GRIA4: variants seen among roughly 807,000 people sequenced by gnomAD.
GRIA4 encodes glutamate receptor 4.
A neutral mutation model predicts 104.0 loss-of-function variants in GRIA4; 34 were observed. The observed-to-expected ratio is 0.33, with a 90% CI of 0.25 to 0.44. The LOEUF (loss-of-function observed/expected upper bound fraction) is 0.44. GRIA4 is among the 20% of genes least tolerant of loss of function. The pLI is 1.00. For missense variants in GRIA4, 750 were observed against 1,096.5 expected (o/e 0.68, Z 4.46); for synonymous variants, 386 against 381.9 (o/e 1.01, Z -0.13).
chr11:105,631,833 A>T (rs1951042685), intron 3 of GRIA4, among the ~76,000 whole-genome samples: 1 of 152,206 alleles, frequency 6.6e-6, no homozygotes. Flanking sequence ...CCAAAGAAAT[A>T]CTATTAGGAG....
At chr11:105,810,945 TA>T (rs532196402) in intron 4 of GRIA4, among the ~76,000 whole-genome samples, 105 of 152,342 alleles carry the variant, frequency 6.9e-4, no homozygotes, top group Admixed American at 3.3e-3. Flanking sequence ...GATTACTGCT[TA>T]TTTTTTTATG....
intron 3 of GRIA4, chr11:105,706,708 A>C (rs1196939958): frequency 6.6e-6 from 1 of 152,334 alleles, no homozygotes; most frequent in Non-Finnish European, 1.5e-5. Flanking sequence ...TCAACTTAAG[A>C]AGCAGTCTGA....
chr11:105,798,626 C>G (rs534593721), intron 4 of GRIA4, among the ~76,000 whole-genome samples: 1 of 152,204 alleles, frequency 6.6e-6, no homozygotes, highest in East Asian at 1.9e-4. Context: ...GATTAGGAGA[C>G]TGTGGCAATA....
intron 4 of GRIA4, among the ~76,000 whole-genome samples, chr11:105,762,127 G>A (rs575933242): frequency 9.2e-5 from 14 of 151,700 alleles, no homozygotes; most frequent in Non-Finnish European, 1.9e-4. Flanking sequence ...AGCTTTAAGC[G>A]ATTCTCATGC....
intron 6 of GRIA4, among the ~76,000 whole-genome samples, chr11:105,895,281 A>G (rs61902576): frequency 1.7e-3 from 88 of 52,346 alleles, no homozygotes; most frequent in South Asian, 0.011. Flanking sequence ...GTGTGTGTGT[A>G]TGTGATTTAC....
At chr11:105,910,913 G>A (rs1272382306) in intron 10 of GRIA4, among the ~76,000 whole-genome samples, 1 of 151,890 alleles carries the variant, frequency 6.6e-6, no homozygotes. Context: ...TATTATTATT[G>A]TTACTATGTT....
chr11:105,741,929 T>C (rs1939334396), intron 3 of GRIA4, among the ~76,000 whole-genome samples: 1 of 152,148 alleles, frequency 6.6e-6, no homozygotes, highest in Non-Finnish European at 1.5e-5. Flanking sequence ...ATAAGTCGTA[T>C]GGCATGAGGA....
At chr11:105,679,956 A>G (rs551295701) in intron 3 of GRIA4, among the ~76,000 whole-genome samples, 1 of 152,096 alleles carries the variant, frequency 6.6e-6, no homozygotes, top group African/African-American at 2.4e-5. Context: ...AGGTTATGGT[A>G]ATACTAAGAG....
At chr11:105,973,920 G>A (rs184736840) in intron 15 of GRIA4, among the ~76,000 whole-genome samples, 5 of 152,084 alleles carry the variant, frequency 3.3e-5, no homozygotes, top group East Asian at 3.9e-4. Flanking sequence ...GCTAAAAGAC[G>A]TCCCCTTTCT....
intron 14 of GRIA4, among the ~76,000 whole-genome samples, chr11:105,967,320 T>A (rs1197657134): frequency 6.6e-6 from 1 of 152,086 alleles, no homozygotes; most frequent in Non-Finnish European, 1.5e-5. Context: ...CAGAAACATA[T>A]ATATGTTAGA....
chr11:105,822,160 C>T (rs1385705736), intron 4 of GRIA4, among the ~76,000 whole-genome samples: 1 of 151,992 alleles, frequency 6.6e-6, no homozygotes, highest in Non-Finnish European at 1.5e-5. Flanking sequence ...AGGAACTTGA[C>T]AAATAATATA....
chr11:105,650,032 T>G (rs996855911), intron 3 of GRIA4, among the ~76,000 whole-genome samples: 3 of 152,076 alleles, frequency 2.0e-5, no homozygotes, highest in African/African-American at 7.2e-5. Context: ...AACCAACATG[T>G]GTATAATATA....
chr11:105,729,333 A>G (rs1413078104), intron 3 of GRIA4, among the ~76,000 whole-genome samples: 2 of 152,194 alleles, frequency 1.3e-5, no homozygotes, highest in Non-Finnish European at 2.9e-5. Flanking sequence ...TAAACCAACA[A>G]CAAGTTCTGA....
At chr11:105,768,220 A>G (rs1253292782) in intron 4 of GRIA4, among the ~76,000 whole-genome samples, 2 of 152,156 alleles carry the variant, frequency 1.3e-5, no homozygotes, top group Non-Finnish European at 2.9e-5. Flanking sequence ...AGGTAATGCC[A>G]AGTTTAATAC....
intron 14 of GRIA4, among the ~76,000 whole-genome samples, chr11:105,935,513 A>C (rs1303819339): frequency 2.0e-5 from 3 of 152,198 alleles, no homozygotes; most frequent in Non-Finnish European, 4.4e-5. Context: ...AATTTCAATG[A>C]GGCCAAGTAG....
At chr11:105,956,552 G>C (rs924910265) in intron 14 of GRIA4, among the ~76,000 whole-genome samples, 1 of 152,152 alleles carries the variant, frequency 6.6e-6, no homozygotes, top group African/African-American at 2.4e-5. Flanking sequence ...ATTGTGAATA[G>C]TGCCACAATA....
intron 14 of GRIA4, among the ~76,000 whole-genome samples, chr11:105,960,024 C>T (rs1948694986): frequency 6.6e-6 from 1 of 152,234 alleles, no homozygotes; most frequent in Non-Finnish European, 1.5e-5. Context: ...GGGGCACCAA[C>T]CTGATGCCAG....
At chr11:105,618,499 G>A (rs1565405702) in intron 3 of GRIA4, among the ~76,000 whole-genome samples, 1 of 151,972 alleles carries the variant, frequency 6.6e-6, no homozygotes, top group African/African-American at 2.4e-5. Flanking sequence ...GGAGGGTGCA[G>A]GGGAAGTGTG....
intron 3 of GRIA4, among the ~76,000 whole-genome samples, chr11:105,641,749 TA>T (rs1157877314): frequency 6.6e-6 from 1 of 152,172 alleles, no homozygotes; most frequent in Non-Finnish European, 1.5e-5. Context: ...ACTGTGTTAC[TA>T]GGCCCAAAGC....
Sources: allele counts gnomAD v4.1 joint callset (sites outside exome capture counted in the v4.1 genomes callset), GRCh38; gene constraint gnomAD v4.1.1; transcripts MANE v1.5; gene names NCBI Gene and HGNC (gene_info 2026-07-23, HGNC 2026-07-21).